The following RECK variants were observed in gnomAD, a reference collection of about 807,000 sequenced individuals.
RECK encodes reversion inducing cysteine rich protein with kazal motifs.
In RECK, 69 loss-of-function variants were observed where a neutral mutation model predicts 115.1. The observed-to-expected ratio is 0.60, with a 90% CI of 0.49 to 0.73. RECK has a LOEUF of 0.73. Ranked by LOEUF, RECK falls within the 30% of genes least tolerant of loss-of-function variation. The probability of loss-of-function intolerance (pLI) is 0.00; values close to 1 mark genes in which losing one functional copy is unlikely to be tolerated. For missense variants in RECK, 1,047 were observed against 1,203.7 expected, an observed-to-expected ratio of 0.87 and a Z score of 1.93; for synonymous variants, 414 against 419.7, an observed-to-expected ratio of 0.99 and a Z score of 0.17.
chr9:36,040,264 G>A lies in RECK; in HGVS notation c.100+3166G>A, dbSNP rs1820824460. Among the ~76,000 whole-genome samples the A allele has an allele frequency of 3.9e-5, 6 of 152,198 alleles. No homozygotes were observed. In the South Asian group the frequency reaches 1.2e-3, roughly 31 times the overall value. ...GGAACTAAACCAAATGGCTAACACAGAGAATTGTGTGAGTAGTTCTTTGTG... is the reference window on the plus strand; with the variant it reads ...GGAACTAAACCAAATGGCTAACACAAAGAATTGTGTGAGTAGTTCTTTGTG... On this transcript the variant is annotated intron_variant, in intron 1 of 20. Transcript: ENST00000377966.
intron 8 of RECK, among the ~76,000 whole-genome samples, chr9:36,086,486 A>G (rs943786780): frequency 3.9e-5 from 6 of 152,188 alleles, no homozygotes; most frequent in Non-Finnish European, 5.9e-5. Flanking sequence ...TCATGAAGGT[A>G]GTGCCGACCC....
At chr9:36,058,941 A>G (rs199908114) in intron 3 of RECK, 40 bp downstream of exon 3, 183 of 1,309,452 alleles carry the variant, frequency 1.4e-4, no homozygotes, top group Non-Finnish European at 1.8e-4. Context: ...GCTTCTGTCT[A>G]AATGAAACTA....
In RECK at chr9:36,036,921, G is replaced by T. The variant is rs1486884820; in HGVS notation, c.-78G>T. On this transcript the variant is annotated 5_prime_UTR_variant, in exon 1 of 21. Transcript: ENST00000377966. ...GCTGGGGGCGGGGCCTCGCGCGAGCGGCGGCGGTAGCGGCGGCAGCGGCTG... is the reference window on the plus strand; with the variant it reads ...GCTGGGGGCGGGGCCTCGCGCGAGCTGCGGCGGTAGCGGCGGCAGCGGCTG... 9.5e-6 allele frequency: 9 copies of T among 946,036 alleles called. No individual in the cohort carries two copies. Among genetic ancestry groups the T allele is most frequent in the East Asian group, 3.6e-5 (1 of 27,772 alleles). The allele number at this position is 946,036 out of a possible 1,614,324, so 58.6% of individuals were successfully genotyped here.
At chr9:36,038,673 G>A (rs796463106) in intron 1 of RECK, among the ~76,000 whole-genome samples, 34 of 152,280 alleles carry the variant, frequency 2.2e-4, no homozygotes, top group African/African-American at 5.1e-4. Context: ...AGCATTTAGC[G>A]TAGTAAGCAG....
intron 10 of RECK, among the ~76,000 whole-genome samples, chr9:36,092,966 CT>C (rs1328548689): frequency 6.6e-6 from 1 of 152,114 alleles, no homozygotes; most frequent in African/African-American, 2.4e-5. Context: ...CTAAATTGTA[CT>C]TTTGCAGGAT....
At chr9:36,048,404 A>G (rs1158427053) in intron 1 of RECK, among the ~76,000 whole-genome samples, 28 of 151,802 alleles carry the variant, frequency 1.8e-4, no homozygotes, top group Admixed American at 1.8e-3. Context: ...CTCTAATTTG[A>G]CATTTCTTTC....
At chr9:36,052,204 A>G (rs1821334204) in intron 1 of RECK, 61 bp from the exon 2 acceptor site, 1 of 979,782 alleles carries the variant, frequency 1.0e-6, no homozygotes, top group Admixed American at 1.7e-5. Context: ...AACCATCTGA[A>G]TTAGCTTAGT....
intron 16 of RECK, among the ~76,000 whole-genome samples, chr9:36,115,748 A>G (rs1034427711): frequency 6.6e-6 from 1 of 152,230 alleles, no homozygotes; most frequent in South Asian, 2.1e-4. Flanking sequence ...AAGAGTATAA[A>G]TCATTTCCTT....
At chr9:36,087,410 A>G (rs1422489912) in intron 8 of RECK, among the ~76,000 whole-genome samples, 1 of 152,210 alleles carries the variant, frequency 6.6e-6, no homozygotes, top group Admixed American at 6.5e-5. Context: ...AAAATACTGC[A>G]TGTTCTCACT....
intron 16 of RECK, 68 bp from the exon 17 acceptor site, chr9:36,116,917 A>T: frequency 7.9e-7 from 1 of 1,267,510 alleles, no homozygotes; most frequent in Non-Finnish European, 1.1e-6. Flanking sequence ...TCCCTCATCT[A>T]GTGCTTTGCT....
chr9:36,074,221 A>T (rs192928664), intron 6 of RECK, among the ~76,000 whole-genome samples: 1 of 152,178 alleles, frequency 6.6e-6, no homozygotes, highest in Non-Finnish European at 1.5e-5. Flanking sequence ...TTGTCGCTCT[A>T]TAGCATAACT....
chr9:36,104,292 G>GTGTGTATATATA (rs34438663), intron 12 of RECK, among the ~76,000 whole-genome samples: 9 of 43,882 alleles, frequency 2.1e-4, no homozygotes, highest in Non-Finnish European at 3.1e-4. Context: ...GTGTGTGTGT[G>GTGTGTATATATA]TATATATATA....
At chr9:36,111,378 C>T (rs1394675586) in intron 15 of RECK, among the ~76,000 whole-genome samples, 6 of 152,122 alleles carry the variant, frequency 3.9e-5, no homozygotes, top group Non-Finnish European at 8.8e-5. Flanking sequence ...TGGAAGGAAC[C>T]TACAACCTTC....
At chr9:36,059,619 T>C (rs1030390484) in intron 3 of RECK, among the ~76,000 whole-genome samples, 24 of 152,208 alleles carry the variant, frequency 1.6e-4, no homozygotes, top group African/African-American at 5.3e-4. Context: ...TTTTCTGACA[T>C]ACTGTAGATA....
chr9:36,102,954 T>TA (rs34000336), intron 12 of RECK, among the ~76,000 whole-genome samples: 18,135 of 133,180 alleles, frequency 0.14, 1,759 homozygotes, highest in African/African-American at 0.27. Context: ...AGACTCTGTC[T>TA]AAAAAAAAAA....
chr9:36,120,891 C>T (rs760349529), intron 19 of RECK, among the ~76,000 whole-genome samples, 155 bp downstream of exon 19: 4 of 152,178 alleles, frequency 2.6e-5, no homozygotes, highest in African/African-American at 9.7e-5. Context: ...ATCAGTAGGA[C>T]GAGGGTTTGC....
intron 6 of RECK, among the ~76,000 whole-genome samples, chr9:36,073,548 G>T (rs1010555976): frequency 4.6e-5 from 7 of 152,096 alleles, no homozygotes; most frequent in African/African-American, 9.7e-5. Flanking sequence ...TGCCAAACTA[G>T]TTTTCCTGTG....
rs115985599 is a variant in RECK at position 36,123,802 on chromosome 9, C to A, written c.*757C>A. ...TTATATTAACCAGATATATATTCAT[C>A]GGTATTCATCCAAGTTAAATGTAGA... On this transcript the variant is annotated 3_prime_UTR_variant, in exon 21 of 21. Transcript: ENST00000377966. 1 of 152,356 alleles carries A rather than the reference C, an allele frequency of 6.6e-6. No individual in the cohort carries two copies. The highest frequency in any genetic ancestry group is 1.5e-5 in the Non-Finnish European group (1 of 68,026). The allele number at this position is 152,356 out of a possible 1,614,324, so 9.4% of individuals were successfully genotyped here.
chr9:36,059,470 A>C (rs1821673369), intron 3 of RECK, among the ~76,000 whole-genome samples: 1 of 152,046 alleles, frequency 6.6e-6, no homozygotes, highest in African/African-American at 2.4e-5. Context: ...AAAAAAAAAA[A>C]ATTATCTGGA....
Sources: gnomAD v4.1 joint callset for allele counts (sites outside exome capture counted in the v4.1 genomes callset) on GRCh38, gnomAD v4.1.1 for gene constraint, MANE v1.5 for transcripts, NCBI Gene and HGNC (gene_info 2026-07-23, HGNC 2026-07-21) for gene names.